The following PTCD2 variants were observed in gnomAD, a reference collection of about 807,000 sequenced individuals.
PTCD2 encodes the protein pentatricopeptide repeat domain 2, also known as pentatricopeptide repeat-containing protein 2, mitochondrial.
In PTCD2, 31 loss-of-function variants were observed where a neutral mutation model predicts 42.6. The ratio of observed to expected loss-of-function variants is 0.73; its 90% CI spans 0.55 to 0.98. PTCD2 has a LOEUF of 0.98. Ranked by LOEUF, PTCD2 falls within the 50% of genes least tolerant of loss-of-function variation. PTCD2 has a pLI of 0.00. For missense variants in PTCD2, 476 were observed against 454.8 expected (o/e 1.05, Z -0.42); for synonymous variants, 183 against 170.9 (o/e 1.07, Z -0.55).
intron 7 of PTCD2, 81 bp from the exon 8 acceptor site, chr5:72,342,881 T>C: frequency 2.6e-6 from 2 of 762,488 alleles, no homozygotes; most frequent in African/African-American, 1.8e-5. Context: ...TTAATAGGAA[T>C]ATACTGCCCT....
chr5:72,347,025 GTAC>G (rs1393281484), intron 8 of PTCD2, among the ~76,000 whole-genome samples: 1 of 152,120 alleles, frequency 6.6e-6, no homozygotes, highest in Non-Finnish European at 1.5e-5. Flanking sequence ...GTCATGCTTG[GTAC>G]TTTAGATTTG....
At chr5:72,331,421 G>A in intron 4 of PTCD2, 46 bp downstream of exon 4, 2 of 1,342,654 alleles carry the variant, frequency 1.5e-6, no homozygotes, top group South Asian at 1.2e-5. Flanking sequence ...TGTGTTTTTG[G>A]TGATATTGGA....
intron 2 of PTCD2, 32 bp from the exon 3 acceptor site, chr5:72,326,580 A>G: frequency 6.2e-7 from 1 of 1,612,784 alleles, no homozygotes; most frequent in Non-Finnish European, 8.5e-7. Flanking sequence ...AGTCAGCCTG[A>G]GTGATGGTCA....
At chr5:72,329,754 TGAG>T (rs1751335907) in intron 3 of PTCD2, among the ~76,000 whole-genome samples, 1 of 152,116 alleles carries the variant, frequency 6.6e-6, no homozygotes, top group Non-Finnish European at 1.5e-5. Flanking sequence ...ATTTTACAGA[TGAG>T]GAGACGGAAG....
At chr5:72,324,379 C>T (rs1751023889) in intron 2 of PTCD2, among the ~76,000 whole-genome samples, 1 of 152,236 alleles carries the variant, frequency 6.6e-6, no homozygotes, top group Admixed American at 6.5e-5. Context: ...ATCTCTCTGG[C>T]ATCCTGGCTC....
Position 72,359,224 on chromosome 5 carries a change from CCTA to C in PTCD2, c.*798_*800del, listed in dbSNP as rs1753032538. ...TCTATGTGGATAATAAATATTTAGTCCTATAGTTTATCTTATTTGTTAATGATT... is the reference window on the plus strand; with the variant it reads ...TCTATGTGGATAATAAATATTTAGTCTAGTTTATCTTATTTGTTAATGATT... On this transcript the variant is annotated 3_prime_UTR_variant, in exon 10 of 10. Coordinates refer to ENST00000380639, the MANE Select transcript of PTCD2 (RefSeq NM_024754.5). 6.6e-6 allele frequency: 1 copy of C among 152,004 alleles called. No individual in the cohort carries two copies. Among genetic ancestry groups the C allele is most frequent in the Non-Finnish European group, 1.5e-5 (1 of 68,010 alleles). The allele number at this position is 152,004 out of a possible 1,614,324, so 9.4% of individuals were successfully genotyped here.
chr5:72,325,341 A>C (rs1751082377), intron 2 of PTCD2, among the ~76,000 whole-genome samples: 1 of 152,224 alleles, frequency 6.6e-6, no homozygotes, highest in Non-Finnish European at 1.5e-5. Context: ...ATCCTCTTAG[A>C]TCTAACAGGT....
rs1753115454 is a variant in PTCD2, at chr5:72,362,383, C to T, written c.*3956C>T. The T allele has an allele frequency of 6.6e-6, 1 of 152,200 alleles. No individual in the cohort carries two copies. The highest frequency in any genetic ancestry group is 6.5e-5 in the Admixed American group (1 of 15,282). The allele number at this position is 152,200 out of a possible 1,614,324, so 9.4% of individuals were successfully genotyped here. A position where few individuals can be genotyped will look rare whatever the true frequency, so the allele number is the denominator to read the frequency against. ...CCAGAAAATGGGCTCTCACTAGACACCAAATGCTGGTGTCTTGTTCTTGGA... is the reference window on the plus strand; with the variant it reads ...CCAGAAAATGGGCTCTCACTAGACATCAAATGCTGGTGTCTTGTTCTTGGA... On this transcript the variant is annotated 3_prime_UTR_variant, in exon 10 of 10. Coordinates refer to ENST00000380639, the MANE Select transcript of PTCD2 (RefSeq NM_024754.5).
intron 4 of PTCD2, among the ~76,000 whole-genome samples, chr5:72,332,003 T>A (rs964945634): frequency 3.9e-5 from 6 of 152,216 alleles, no homozygotes; most frequent in African/African-American, 1.2e-4. Flanking sequence ...ATTCATTCAT[T>A]CATTATGAAG....
rs1469320292 is a variant in PTCD2 at position 72,362,438 on chromosome 5, T to C, written c.*4011T>C. On this transcript the variant is annotated 3_prime_UTR_variant, in exon 10 of 10. Transcript: ENST00000380639. ...CCAGCCTTCAGAACTGTGAGAAATATATTTCTGTTATTTATAAGCCACCCA... is the reference window on the plus strand; with the variant it reads ...CCAGCCTTCAGAACTGTGAGAAATACATTTCTGTTATTTATAAGCCACCCA... The C allele has an allele frequency of 6.6e-6, 1 of 152,208 alleles. No individual in the cohort carries two copies. Among genetic ancestry groups the C allele is most frequent in the Non-Finnish European group, 1.5e-5 (1 of 68,056 alleles). The allele number at this position is 152,208 out of a possible 1,614,324, so 9.4% of individuals were successfully genotyped here.
chr5:72,320,923 A>T (rs1750800611), intron 1 of PTCD2: 1 of 186,852 alleles, frequency 5.4e-6, no homozygotes, highest in Non-Finnish European at 1.1e-5. Context: ...CTCCTGCCTC[A>T]GCTTTCCGAG....
intron 4 of PTCD2, 79 bp from the exon 5 acceptor site, chr5:72,334,939 C>T: frequency 1.2e-6 from 1 of 822,926 alleles, no homozygotes; most frequent in Non-Finnish European, 2.1e-6. Flanking sequence ...TAAGACCTGG[C>T]TAGATAAGAG....
intron 9 of PTCD2, among the ~76,000 whole-genome samples, chr5:72,355,765 T>C (rs1752848109): frequency 6.6e-6 from 1 of 152,224 alleles, no homozygotes; most frequent in Non-Finnish European, 1.5e-5. Flanking sequence ...TTGACAGTGA[T>C]CATATTGTTA....
intron 7 of PTCD2, among the ~76,000 whole-genome samples, chr5:72,340,468 T>C (rs765936682): frequency 3.3e-5 from 5 of 152,240 alleles, no homozygotes; most frequent in Non-Finnish European, 5.9e-5. Context: ...CCCTTCTCTT[T>C]CTTTCATTAG....
chr5:72,331,419 T>C (rs1231957379), intron 4 of PTCD2, 44 bp downstream of exon 4: 1 of 1,341,930 alleles, frequency 7.5e-7, no homozygotes, highest in African/African-American at 1.4e-5. Flanking sequence ...TGTGTGTTTT[T>C]GGTGATATTG....
rs553422182 is a variant in PTCD2 at position 72,366,077 on chromosome 5, G to C, written c.*7650G>C. ...AAAAATACAAAAAAATTAGCCAGGC[G>C]TGGTGGCGGGCATCTGTAATTTCAG... On this transcript the variant is annotated 3_prime_UTR_variant, in exon 10 of 10. Coordinates refer to ENST00000380639, the MANE Select transcript of PTCD2 (RefSeq NM_024754.5). The C allele has an allele frequency of 6.6e-6, 1 of 152,144 alleles. No homozygotes were observed. The highest frequency in any genetic ancestry group is 1.5e-5 in the Non-Finnish European group (1 of 68,050). The allele number at this position is 152,144 out of a possible 1,614,324, so 9.4% of individuals were successfully genotyped here.
At chr5:72,335,988 T>C in intron 6 of PTCD2, 103 bp downstream of exon 6, 1 of 650,720 alleles carries the variant, frequency 1.5e-6, no homozygotes, top group South Asian at 2.1e-5. Flanking sequence ...AAATCTGTTT[T>C]CCATCTGGTG....
At chr5:72,348,881 C>T (rs761885094) in intron 8 of PTCD2, among the ~76,000 whole-genome samples, 1 of 152,210 alleles carries the variant, frequency 6.6e-6, no homozygotes, top group Non-Finnish European at 1.5e-5. Context: ...TTCTCCTACC[C>T]ACTTAGGTCA....
In PTCD2 at chr5:72,366,786, G is replaced by A. The variant is rs1753215211; in HGVS notation, c.*8359G>A. On this transcript the variant is annotated 3_prime_UTR_variant, in exon 10 of 10. Coordinates refer to ENST00000380639, the MANE Select transcript of PTCD2 (RefSeq NM_024754.5). ...TAAAGTTGATCCTCTGCAGAAAGTA[G>A]ACCAATGTAAGTATCATGCAATGTG... 6.6e-6 allele frequency: 1 copy of A among 152,228 alleles called. No individual in the cohort carries two copies. Among genetic ancestry groups the A allele is most frequent in the Admixed American group, 6.5e-5 (1 of 15,284 alleles). The allele number at this position is 152,228 out of a possible 1,614,324, so 9.4% of individuals were successfully genotyped here.
Sources: allele counts gnomAD v4.1 joint callset (sites outside exome capture counted in the v4.1 genomes callset), GRCh38; gene constraint gnomAD v4.1.1; transcripts MANE v1.5; gene names NCBI Gene and HGNC (gene_info 2026-07-23, HGNC 2026-07-21).